SLC30A8: variants seen among roughly 807,000 people sequenced by gnomAD.
The protein encoded by SLC30A8 is proton-coupled zinc antiporter SLC30A8.
Under a neutral mutation model 36.9 loss-of-function variants are expected in SLC30A8, and 27 were observed. That is an observed-to-expected ratio of 0.73 (90% CI 0.54 to 1.01). The LOEUF (loss-of-function observed/expected upper bound fraction) is 1.01, where lower values mean the gene tolerates loss of function less well. Ranked by LOEUF, SLC30A8 falls within the 50% of genes least tolerant of loss-of-function variation. The probability of loss-of-function intolerance (pLI) is 0.00; values close to 1 mark genes in which losing one functional copy is unlikely to be tolerated. For missense variants in SLC30A8, 439 were observed against 452.0 expected (o/e 0.97, Z 0.26); for synonymous variants, 164 against 172.4 (o/e 0.95, Z 0.38).
intron 2 of SLC30A8, among the ~76,000 whole-genome samples, chr8:117,067,124 C>G (rs1818193236): frequency 6.6e-6 from 1 of 152,054 alleles, no homozygotes. Context: ...CATCGAATCT[C>G]TTGAGAACGC....
rs146215405 is a variant in SLC30A8 at position 117,093,350 on chromosome 8, C to T, written c.-225-41930C>T. On this transcript the variant is annotated intron_variant, in intron 2 of 10. Coordinates refer to the SLC30A8 transcript ENST00000427715. Reference sequence around the variant, plus strand: ...CAACCAAGTAAGGTGAATGTGTACTCATTCTTATTAAGTCTTATCTTACTT... The same window carrying T: ...CAACCAAGTAAGGTGAATGTGTACTTATTCTTATTAAGTCTTATCTTACTT... Among the ~76,000 whole-genome samples the T allele has an allele frequency of 1.8e-3, 280 of 151,412 alleles. 1 individual carries two copies. The highest frequency in any genetic ancestry group is 6.5e-3 in the African/African-American group (268 of 41,124).
intron 1 of SLC30A8, among the ~76,000 whole-genome samples, chr8:117,145,147 C>T (rs1821842082): frequency 6.6e-6 from 1 of 152,116 alleles, no homozygotes; most frequent in Admixed American, 6.6e-5. Context: ...AACCTGGCCC[C>T]TCTAGATGTT....
At chr8:116,983,493 G>A (rs1815343118) in intron 1 of SLC30A8, among the ~76,000 whole-genome samples, 1 of 152,102 alleles carries the variant, frequency 6.6e-6, no homozygotes, top group Non-Finnish European at 1.5e-5. Context: ...TGTTACTGGT[G>A]TGTTAAATTT....
intron 1 of SLC30A8, chr8:117,018,045 A>C (rs988824259): frequency 1.3e-5 from 2 of 152,188 alleles, no homozygotes; most frequent in Admixed American, 6.6e-5. Context: ...ATAGTGCACT[A>C]TGCTGATTGG....
intron 2 of SLC30A8, among the ~76,000 whole-genome samples, chr8:117,079,757 A>G (rs1216156060): frequency 6.6e-6 from 1 of 152,244 alleles, no homozygotes; most frequent in Non-Finnish European, 1.5e-5. Flanking sequence ...AGTAAGGAAC[A>G]GATCTAAAAC....
intron 2 of SLC30A8, among the ~76,000 whole-genome samples, chr8:117,148,347 G>C (rs1459556304): frequency 2.0e-5 from 3 of 151,830 alleles, no homozygotes; most frequent in African/African-American, 7.2e-5. Flanking sequence ...TTTCCCCATT[G>C]ATTTTTTATA....
At chr8:116,985,620 C>T (rs927004739) in intron 1 of SLC30A8, among the ~76,000 whole-genome samples, 10 of 152,136 alleles carry the variant, frequency 6.6e-5, no homozygotes, top group Admixed American at 5.2e-4. Flanking sequence ...ATTACAGATA[C>T]AATTTTACAA....
At chr8:117,060,178 T>G (rs191152402) in intron 2 of SLC30A8, among the ~76,000 whole-genome samples, 46 of 152,208 alleles carry the variant, frequency 3.0e-4, no homozygotes, top group East Asian at 2.1e-3. Context: ...TTATTTTTAT[T>G]ATTTATTTTT....
intron 2 of SLC30A8, among the ~76,000 whole-genome samples, chr8:117,082,039 C>T (rs1428037943): frequency 5.9e-5 from 9 of 152,126 alleles, no homozygotes; most frequent in Non-Finnish European, 1.2e-4. Flanking sequence ...TCTCCTGAGT[C>T]CCTGAGATAG....
At chr8:117,155,113 C>G (rs564005140) in intron 3 of SLC30A8, among the ~76,000 whole-genome samples, 1 of 152,308 alleles carries the variant, frequency 6.6e-6, no homozygotes, top group East Asian at 1.9e-4. Context: ...ATGAGCCCAG[C>G]TAAGCTAACT....
intron 1 of SLC30A8, among the ~76,000 whole-genome samples, chr8:117,030,768 A>G (rs1353451008): frequency 6.6e-6 from 1 of 152,176 alleles, no homozygotes; most frequent in African/African-American, 2.4e-5. Context: ...CACTAATGTA[A>G]TATACTCGAA....
chr8:117,088,840 GT>G (rs1818988584), intron 2 of SLC30A8, among the ~76,000 whole-genome samples: 1 of 152,204 alleles, frequency 6.6e-6, no homozygotes, highest in African/African-American at 2.4e-5. Flanking sequence ...ATTAGATGAC[GT>G]TGGTTGGTAG....
intron 2 of SLC30A8, among the ~76,000 whole-genome samples, chr8:117,053,516 TG>T (rs1817774648): frequency 6.6e-6 from 1 of 152,204 alleles, no homozygotes; most frequent in Non-Finnish European, 1.5e-5. Flanking sequence ...AACCATTTCC[TG>T]GATGTCTGAG....
At chr8:117,032,508 C>T (rs75227365) in intron 1 of SLC30A8, among the ~76,000 whole-genome samples, 3,716 of 152,344 alleles carry the variant, frequency 0.024, 154 homozygotes, top group African/African-American at 0.083. Flanking sequence ...TCCTCACATT[C>T]ACTAAACACT....
chr8:117,098,010 ATTT>A (rs199511520), intron 2 of SLC30A8, among the ~76,000 whole-genome samples: 1 of 131,322 alleles, frequency 7.6e-6, no homozygotes, highest in Non-Finnish European at 1.6e-5. Flanking sequence ...TATAATATAT[ATTT>A]ATTTTAAATA....
intron 2 of SLC30A8, among the ~76,000 whole-genome samples, chr8:117,128,754 A>C (rs1160725184): frequency 6.6e-6 from 1 of 152,086 alleles, no homozygotes; most frequent in Non-Finnish European, 1.5e-5. Flanking sequence ...TACACAACAA[A>C]ATACTTGGGA....
chr8:116,988,899 T>G (rs1815540000), intron 1 of SLC30A8, among the ~76,000 whole-genome samples: 1 of 152,210 alleles, frequency 6.6e-6, no homozygotes, highest in Admixed American at 6.5e-5. Context: ...CCCATTCATA[T>G]AGATTTTCAT....
chr8:117,148,415 C>A (rs527268266), intron 2 of SLC30A8, among the ~76,000 whole-genome samples: 23 of 152,018 alleles, frequency 1.5e-4, no homozygotes, highest in Non-Finnish European at 2.5e-4. Context: ...TAAGGTGTTT[C>A]ACTGATCTGT....
intron 2 of SLC30A8, among the ~76,000 whole-genome samples, chr8:117,053,488 C>T (rs1181270346): frequency 6.6e-6 from 1 of 152,188 alleles, no homozygotes; most frequent in Non-Finnish European, 1.5e-5. Flanking sequence ...TCCTGGGATG[C>T]ATCTGTATGG....
Sources: gnomAD v4.1 joint callset for allele counts (sites outside exome capture counted in the v4.1 genomes callset) on GRCh38, gnomAD v4.1.1 for gene constraint, MANE v1.5 for transcripts, NCBI Gene and HGNC (gene_info 2026-07-23, HGNC 2026-07-21) for gene names.